The following DARS1 variants were observed in gnomAD, a reference collection of about 807,000 sequenced individuals.
DARS1 encodes the protein aspartate--tRNA ligase, cytoplasmic.
In DARS1, 51 loss-of-function variants were observed where a neutral mutation model predicts 68.8. The observed-to-expected ratio is 0.74, with a 90% confidence interval of 0.59 to 0.94. DARS1 has a LOEUF of 0.94. Ranked by LOEUF, DARS1 falls within the 40% of genes least tolerant of loss-of-function variation. DARS1 has a pLI of 0.00. For synonymous variants in DARS1, 203 were observed against 190.4 expected, an observed-to-expected ratio of 1.07 and a Z score of -0.55; for missense variants, 607 against 597.3, an observed-to-expected ratio of 1.02 and a Z score of -0.17.
At chr2:135,965,778 T>C (rs1450400224) in intron 3 of DARS1, among the ~76,000 whole-genome samples, 1 of 152,234 alleles carries the variant, frequency 6.6e-6, no homozygotes, top group Non-Finnish European at 1.5e-5. Flanking sequence ...ACTAATGCTA[T>C]GGTCCTCAAG....
At chr2:135,968,655 C>A (rs1322719431) in intron 3 of DARS1, among the ~76,000 whole-genome samples, 7 of 147,236 alleles carry the variant, frequency 4.8e-5, no homozygotes, top group African/African-American at 1.0e-4. Flanking sequence ...ACTGGGGATT[C>A]AGCTTTTTTT....
chr2:135,943,176 A>G, intron 5 of DARS1: 1 of 681,066 alleles, frequency 1.5e-6, no homozygotes, highest in Non-Finnish European at 2.2e-6. Context: ...GCATCACAGA[A>G]TTGTAAGCAA....
At chr2:135,948,621 T>G (rs1447465029) in intron 4 of DARS1, among the ~76,000 whole-genome samples, 1 of 152,116 alleles carries the variant, frequency 6.6e-6, no homozygotes, top group Non-Finnish European at 1.5e-5. Context: ...TCTCAGCACT[T>G]TGGGAGGCCA....
chr2:135,980,008 G>A (rs1377074743), intron 2 of DARS1, among the ~76,000 whole-genome samples: 4 of 152,158 alleles, frequency 2.6e-5, no homozygotes, highest in Admixed American at 6.5e-5. Flanking sequence ...TGCTATGTTT[G>A]CAGGATTCGA....
chr2:135,973,002 G>C (rs1682413723), intron 3 of DARS1, among the ~76,000 whole-genome samples: 1 of 152,146 alleles, frequency 6.6e-6, no homozygotes, highest in East Asian at 1.9e-4. Flanking sequence ...TCACTATGTA[G>C]AACAGTTTGG....
upstream of DARS1, chr2:135,985,661 G>T: frequency 7.2e-7 from 1 of 1,379,666 alleles, no homozygotes; most frequent in Non-Finnish European, 9.6e-7. Flanking sequence ...ATCCCGGAGC[G>T]CTGGCGGCCG....
intron 5 of DARS1, among the ~76,000 whole-genome samples, chr2:135,937,558 G>A (rs891076620): frequency 9.2e-5 from 14 of 151,888 alleles, no homozygotes; most frequent in African/African-American, 2.9e-4. Flanking sequence ...GTACATCATC[G>A]TTAGTTGATG....
intron 4 of DARS1, among the ~76,000 whole-genome samples, chr2:135,950,089 T>TA (rs1182202219): frequency 6.6e-6 from 1 of 152,210 alleles, no homozygotes; most frequent in Non-Finnish European, 1.5e-5. Flanking sequence ...CCACCTGGTA[T>TA]ATGGCCAGAG....
chr2:135,916,164 A>G (rs1286454124), intron 11 of DARS1, 62 bp downstream of exon 11: 1 of 911,930 alleles, frequency 1.1e-6, no homozygotes, highest in Non-Finnish European at 1.8e-6. Flanking sequence ...TATGTAACAA[A>G]CCTGCACGTT....
At chr2:135,916,567 C>G (rs1399650807) in intron 10 of DARS1, among the ~76,000 whole-genome samples, 195 bp from the exon 11 acceptor site, 2 of 152,122 alleles carry the variant, frequency 1.3e-5, no homozygotes, top group Non-Finnish European at 2.9e-5. Flanking sequence ...TTTGTAACCA[C>G]AGTAACATCA....
chr2:135,961,968 TG>T (rs1246359501), intron 3 of DARS1, among the ~76,000 whole-genome samples: 1 of 152,194 alleles, frequency 6.6e-6, no homozygotes. Context: ...CACTATGGGG[TG>T]GTCCATCTAC....
At chr2:135,941,020 C>T (rs935877891) in intron 5 of DARS1, among the ~76,000 whole-genome samples, 2 of 152,152 alleles carry the variant, frequency 1.3e-5, no homozygotes, top group Non-Finnish European at 2.9e-5. Flanking sequence ...AGGACACAAA[C>T]AAATGGAAGA....
At chr2:135,907,686 G>GT (rs547216088) in intron 15 of DARS1, among the ~76,000 whole-genome samples, 35 of 152,202 alleles carry the variant, frequency 2.3e-4, no homozygotes, top group Admixed American at 2.0e-3. Flanking sequence ...AATCTATGAT[G>GT]TAACAATAAG....
At chr2:135,910,260 C>T (rs1680868762) in intron 15 of DARS1, among the ~76,000 whole-genome samples, 1 of 152,128 alleles carries the variant, frequency 6.6e-6, no homozygotes, top group Non-Finnish European at 1.5e-5. Flanking sequence ...TTCATAATGG[C>T]TGTACCAATT....
At chr2:135,966,375 A>C (rs886614089) in intron 3 of DARS1, among the ~76,000 whole-genome samples, 12 of 152,188 alleles carry the variant, frequency 7.9e-5, no homozygotes, top group African/African-American at 2.7e-4. Context: ...AAAAGTTCTC[A>C]CTTGAAAAGC....
chr2:135,921,201 C>T (rs916801099), intron 9 of DARS1, among the ~76,000 whole-genome samples: 1 of 151,102 alleles, frequency 6.6e-6, no homozygotes, highest in Non-Finnish European at 1.5e-5. Context: ...TTTCACATCA[C>T]TAATATTCCT....
chr2:135,979,216 T>C, intron 3 of DARS1, 58 bp downstream of exon 3: 1 of 836,014 alleles, frequency 1.2e-6, no homozygotes, highest in Non-Finnish European at 2.1e-6. Flanking sequence ...GAGGAATATG[T>C]AAGACAAAAA....
chr2:135,978,127 A>G (rs1349649071), intron 3 of DARS1, among the ~76,000 whole-genome samples: 2 of 139,152 alleles, frequency 1.4e-5, no homozygotes, highest in Non-Finnish European at 3.1e-5. Flanking sequence ...TGGGTGACAG[A>G]GCAAGACTCT....
chr2:135,959,162 C>G (rs1165626078), intron 4 of DARS1, among the ~76,000 whole-genome samples: 1 of 151,790 alleles, frequency 6.6e-6, no homozygotes, highest in African/African-American at 2.4e-5. Flanking sequence ...ACAGCTGAGG[C>G]GGGCGGATCA....
Sources: allele counts gnomAD v4.1 joint callset (sites outside exome capture counted in the v4.1 genomes callset), GRCh38; gene constraint gnomAD v4.1.1; transcripts MANE v1.5; gene names NCBI Gene and HGNC (gene_info 2026-07-23, HGNC 2026-07-21).